Variants in SNX24 observed in about 807,000 individuals in gnomAD.
The protein encoded by SNX24 is sorting nexin 24.
A neutral mutation model predicts 28.7 loss-of-function variants in SNX24; 22 were observed. That is an observed-to-expected ratio of 0.77 (90% CI 0.55 to 1.10). The LOEUF is 1.10. SNX24 is among the 50% of genes least tolerant of loss of function. SNX24 has a pLI of 0.00. For missense variants in SNX24, 221 were observed against 201.1 expected (o/e 1.10, Z -0.60); for synonymous variants, 69 against 71.5 (o/e 0.96, Z 0.18).
chr5:123,007,627 C>G (rs1762460109), intron 6 of SNX24, 55 bp from the exon 7 acceptor site: 1 of 1,455,770 alleles, frequency 6.9e-7, no homozygotes, highest in South Asian at 1.2e-5. Flanking sequence ...TATTTTGTTT[C>G]ACATAAGAAA....
Position 122,973,680 on chromosome 5 carries a change from G to T in SNX24, c.250-26232G>T, listed in dbSNP as rs184105782. Among the ~76,000 whole-genome samples the T allele has an allele frequency of 8.3e-4, 126 of 152,272 alleles. 1 individual carries two copies. Among genetic ancestry groups the T allele is most frequent in the Non-Finnish European group, 1.3e-3 (91 of 68,014 alleles). On this transcript the variant is annotated intron_variant, in intron 3 of 6. Transcript: ENST00000261369. ...GCTGCTGTGCATGACCCACTTTATG[G>T]CTAGATGGATCAAAAAGCATCCTGC...
chr5:122,955,856 T>A (rs1262336282), intron 3 of SNX24, among the ~76,000 whole-genome samples: 1 of 152,164 alleles, frequency 6.6e-6, no homozygotes, highest in Non-Finnish European at 1.5e-5. Context: ...TACCACCCTC[T>A]CATCGACACC....
chr5:122,968,309 T>C (rs905371216), intron 3 of SNX24, among the ~76,000 whole-genome samples: 24 of 152,350 alleles, frequency 1.6e-4, no homozygotes, highest in Non-Finnish European at 3.4e-4. Context: ...ATCATGCCAC[T>C]GCACTTCAGC....
At chr5:122,907,093 C>G (rs1581731017) in intron 1 of SNX24, among the ~76,000 whole-genome samples, 1 of 152,266 alleles carries the variant, frequency 6.6e-6, no homozygotes, top group East Asian at 1.9e-4. Flanking sequence ...TTCTCCACCA[C>G]CCTAAAAAAT....
In SNX24 at chr5:122,999,974, C is replaced by A; in HGVS notation, c.312C>A (p.His104Gln). ...TTCTTGATTTCCTAAATGTGCGACACTTGCCCTCTCTACCAAAGGCAGAAA... is the reference window on the plus strand; with the variant it reads ...TTCTTGATTTCCTAAATGTGCGACAATTGCCCTCTCTACCAAAGGCAGAAA... ...KLFLDFLNVR[H>Q]LPSLPKAESC... Residue 104 changes from histidine to glutamine, a missense_variant, in exon 4 of 7, where the codon CAC becomes CAA. By Grantham distance (24) the His-to-Gln change is conservative (BLOSUM62 0). Coordinates refer to ENST00000261369, the MANE Select transcript of SNX24 (RefSeq NM_014035.4). 6.2e-7 allele frequency: 1 copy of A among 1,612,444 alleles called. No homozygotes were observed. Among genetic ancestry groups the A allele is most frequent in the Non-Finnish European group, 8.5e-7 (1 of 1,178,478 alleles).
chr5:122,922,413 C>T (rs1003883788), intron 1 of SNX24, among the ~76,000 whole-genome samples: 11 of 152,002 alleles, frequency 7.2e-5, no homozygotes, highest in African/African-American at 4.8e-5. Flanking sequence ...CCATCATGCC[C>T]GGCTAATTTT....
intron 1 of SNX24, among the ~76,000 whole-genome samples, chr5:122,910,461 T>A (rs1757830984): frequency 6.6e-6 from 1 of 152,166 alleles, no homozygotes; most frequent in Non-Finnish European, 1.5e-5. Context: ...GACTTTTTTT[T>A]GTTTTGTTTT....
chr5:122,884,136 C>T (rs947161467), intron 1 of SNX24, among the ~76,000 whole-genome samples: 5 of 151,976 alleles, frequency 3.3e-5, no homozygotes, highest in Non-Finnish European at 5.9e-5. Context: ...ATATGAAACA[C>T]ATTTTCTAAC....
intron 2 of SNX24, among the ~76,000 whole-genome samples, chr5:122,938,503 G>T (rs1759281283): frequency 6.6e-6 from 1 of 152,204 alleles, no homozygotes; most frequent in South Asian, 2.1e-4. Context: ...CAGGGACATA[G>T]AGATAAAAAT....
chr5:123,000,078 G>T, intron 4 of SNX24, 72 bp downstream of exon 4: 1 of 1,049,832 alleles, frequency 9.5e-7, no homozygotes, highest in Non-Finnish European at 1.5e-6. Flanking sequence ...CTAACAAATA[G>T]CCCAGAGTGA....
At chr5:122,894,038 G>GAA (rs375432717) in intron 1 of SNX24, among the ~76,000 whole-genome samples, 2 of 132,204 alleles carry the variant, frequency 1.5e-5, no homozygotes, top group Admixed American at 7.6e-5. Context: ...ACTCCAAATC[G>GAA]AAAAAAAAAA....
chr5:122,917,164 G>A (rs1437205969), intron 1 of SNX24, among the ~76,000 whole-genome samples: 2 of 151,942 alleles, frequency 1.3e-5, no homozygotes, highest in South Asian at 2.1e-4. Context: ...GGCTGAGGCA[G>A]GAGAACAGCT....
intron 1 of SNX24, among the ~76,000 whole-genome samples, chr5:122,848,476 G>A (rs1428733294): frequency 6.6e-6 from 1 of 151,974 alleles, no homozygotes; most frequent in African/African-American, 2.4e-5. Context: ...GGCCGAGGTG[G>A]GCGGATCACT....
intron 6 of SNX24, among the ~76,000 whole-genome samples, chr5:123,003,554 T>C (rs1266372695): frequency 6.6e-6 from 1 of 152,208 alleles, no homozygotes; most frequent in African/African-American, 2.4e-5. Flanking sequence ...CTGACTGAAA[T>C]TCCTGCAGAA....
intron 1 of SNX24, among the ~76,000 whole-genome samples, chr5:122,885,459 A>G (rs954377656): frequency 6.6e-6 from 1 of 152,076 alleles, no homozygotes; most frequent in Non-Finnish European, 1.5e-5. Context: ...TCTTTTGTAC[A>G]TGCTTTGAGA....
At chr5:122,955,567 C>A (rs1228850900) in intron 3 of SNX24, among the ~76,000 whole-genome samples, 2 of 152,180 alleles carry the variant, frequency 1.3e-5, no homozygotes, top group Non-Finnish European at 2.9e-5. Flanking sequence ...ATGTGGAAGA[C>A]ATTACCTTGT....
intron 1 of SNX24, among the ~76,000 whole-genome samples, chr5:122,913,980 C>T (rs246302): frequency 0.31 from 47,458 of 151,980 alleles, 8,687 homozygotes; most frequent in East Asian, 0.83. Context: ...CGTGGCGGCG[C>T]GCACCTGCAA....
intron 1 of SNX24, among the ~76,000 whole-genome samples, chr5:122,918,412 C>T (rs570874395): frequency 4.7e-4 from 71 of 152,168 alleles, no homozygotes; most frequent in Non-Finnish European, 9.1e-4. Flanking sequence ...AAGGGAGTTG[C>T]GTCCCCCATT....
At chr5:123,009,301 TCACA>T (rs950306196), downstream of SNX24, 39 of 740,352 alleles carry the variant, frequency 5.3e-5, no homozygotes, top group African/African-American at 7.0e-4. Context: ...ACAAAACCTC[TCACA>T]CATTCACATA....
Sources: gnomAD v4.1 joint callset for allele counts (sites outside exome capture counted in the v4.1 genomes callset) on GRCh38, gnomAD v4.1.1 for gene constraint, MANE v1.5 for transcripts, NCBI Gene and HGNC (gene_info 2026-07-23, HGNC 2026-07-21) for gene names.